The following PRELID2 variants were observed in gnomAD, a reference collection of about 807,000 sequenced individuals.
PRELID2 encodes the protein PRELI domain containing 2, also known as PRELI domain-containing protein 2.
A neutral mutation model predicts 28.4 loss-of-function variants in PRELID2; 25 were observed. The ratio of observed to expected loss-of-function variants is 0.88; its 90% CI spans 0.64 to 1.23. PRELID2 has a LOEUF of 1.23. PRELID2 is among the 50% of genes most tolerant of loss of function. PRELID2 has a pLI of 0.00. For missense variants in PRELID2, 201 were observed against 214.4 expected (o/e 0.94, Z 0.39); for synonymous variants, 76 against 71.6 (o/e 1.06, Z -0.31).
Position 145,783,896 on chromosome 5 carries a change from C to T in PRELID2, c.474+12546G>A, listed in dbSNP as rs548343891. On this transcript the variant is annotated intron_variant, in intron 5 of 6. Coordinates refer to ENST00000683046, the MANE Select transcript of PRELID2 (RefSeq NM_205846.3). ...TATCCACTGTTTTTTAGAATTGTGA[C>T]TACCCGTGTATGTGTGTTTCCTGAA... Among the ~76,000 whole-genome samples, 22 of 152,284 alleles carry T rather than the reference C, an allele frequency of 1.4e-4. No homozygotes were observed. The East Asian group carries it at 3.7e-3, about 25-fold the overall frequency.
chr5:145,742,072 A>G (rs1184805945), intron 1 of PRELID2, among the ~76,000 whole-genome samples: 3 of 37,288 alleles, frequency 8.0e-5, no homozygotes, highest in Non-Finnish European at 1.9e-4. Context: ...ATTTATAATT[A>G]TACGTAATTA....
At chr5:145,478,134 G>T (rs1246140102) in intron 1 of PRELID2, among the ~76,000 whole-genome samples, 1 of 152,144 alleles carries the variant, frequency 6.6e-6, no homozygotes, top group Non-Finnish European at 1.5e-5. Context: ...TTGTTCTACT[G>T]TCTAGGCCCT....
chr5:145,578,900 G>T (rs1753084522), intron 1 of PRELID2, among the ~76,000 whole-genome samples: 1 of 152,008 alleles, frequency 6.6e-6, no homozygotes, highest in Non-Finnish European at 1.5e-5. Context: ...TATGAACTTT[G>T]AACAGTTTAT....
At chr5:145,826,145 C>A in intron 1 of PRELID2, 11 of 985,408 alleles carry the variant, frequency 1.1e-5, no homozygotes, top group Non-Finnish European at 1.2e-5. Context: ...AGGGTGCTAT[C>A]CTAGAGAAGC....
intron 1 of PRELID2, among the ~76,000 whole-genome samples, chr5:145,730,681 T>A (rs1484948587): frequency 6.6e-6 from 1 of 151,956 alleles, no homozygotes; most frequent in African/African-American, 2.4e-5. Context: ...ATTCTAAAGT[T>A]CACCTTAATA....
the PRELID2 span, among the ~76,000 whole-genome samples, chr5:145,264,621 T>G: frequency 6.6e-6 from 1 of 151,838 alleles, no homozygotes; most frequent in African/African-American, 2.4e-5. Flanking sequence ...CTATTCAACA[T>G]AATACTGGAA....
intron 1 of PRELID2, among the ~76,000 whole-genome samples, chr5:145,696,204 C>A (rs1755259129): frequency 7.3e-6 from 1 of 137,508 alleles, no homozygotes; most frequent in East Asian, 2.1e-4. Flanking sequence ...CATAAAATAG[C>A]CATTTGCCAG....
chr5:145,609,414 G>A (rs550920014), intron 1 of PRELID2, among the ~76,000 whole-genome samples: 1 of 152,190 alleles, frequency 6.6e-6, no homozygotes, highest in African/African-American at 2.4e-5. Context: ...AGGAACCCCT[G>A]CTGATTACTG....
chr5:145,322,152 T>G, the PRELID2 span, among the ~76,000 whole-genome samples: 1 of 152,228 alleles, frequency 6.6e-6, no homozygotes, highest in Non-Finnish European at 1.5e-5. Context: ...AAAATGTCCG[T>G]AGGATCAAAA....
At chr5:145,247,004 A>C in the PRELID2 span, among the ~76,000 whole-genome samples, 1 of 152,208 alleles carries the variant, frequency 6.6e-6, no homozygotes, top group African/African-American at 2.4e-5. Flanking sequence ...CTCTGGCTGC[A>C]AGAGTCTGAA....
intron 1 of PRELID2, among the ~76,000 whole-genome samples, chr5:145,535,775 G>T (rs1379911674): frequency 6.6e-6 from 1 of 151,840 alleles, no homozygotes; most frequent in Non-Finnish European, 1.5e-5. Flanking sequence ...ATATCCAAGT[G>T]TTTTAAGTCA....
chr5:145,422,328 T>G, the PRELID2 span, among the ~76,000 whole-genome samples: 8 of 152,116 alleles, frequency 5.3e-5, no homozygotes, highest in East Asian at 1.5e-3. Context: ...ATGTTGACAG[T>G]GGGGTGTTAA....
chr5:145,510,421 G>A (rs1271899496), intron 1 of PRELID2, among the ~76,000 whole-genome samples: 2 of 152,158 alleles, frequency 1.3e-5, no homozygotes, highest in African/African-American at 2.4e-5. Flanking sequence ...TTCAAGTCAT[G>A]GAGGGCTCTT....
At chr5:145,790,556 T>C (rs1752302318) in intron 5 of PRELID2, among the ~76,000 whole-genome samples, 2 of 151,912 alleles carry the variant, frequency 1.3e-5, no homozygotes, top group Admixed American at 6.6e-5. Context: ...TTTAGATCTA[T>C]TGTATAGCAT....
At chr5:145,249,675 G>A in the PRELID2 span, among the ~76,000 whole-genome samples, 1 of 152,034 alleles carries the variant, frequency 6.6e-6, no homozygotes, top group South Asian at 2.1e-4. Flanking sequence ...TATTTTAAAG[G>A]GAAAATACTA....
At chr5:145,417,316 G>A in the PRELID2 span, among the ~76,000 whole-genome samples, 4 of 152,006 alleles carry the variant, frequency 2.6e-5, no homozygotes, top group African/African-American at 9.7e-5. Flanking sequence ...TTCTACCAAA[G>A]GTACAAAGAA....
intron 1 of PRELID2, among the ~76,000 whole-genome samples, chr5:145,594,143 T>C (rs1280328507): frequency 6.6e-6 from 1 of 152,174 alleles, no homozygotes; most frequent in African/African-American, 2.4e-5. Context: ...TAAGCATCCA[T>C]AGAGGCTTAC....
the PRELID2 span, among the ~76,000 whole-genome samples, chr5:145,283,710 C>A: frequency 6.6e-6 from 1 of 152,122 alleles, no homozygotes; most frequent in Non-Finnish European, 1.5e-5. Context: ...GTTATGTAAC[C>A]AGGCAAGTTG....
chr5:145,716,923 T>C (rs1004263761), intron 1 of PRELID2, among the ~76,000 whole-genome samples: 5 of 152,142 alleles, frequency 3.3e-5, no homozygotes, highest in African/African-American at 1.2e-4. Flanking sequence ...ACACTATATG[T>C]ATGAACACAA....
Sources: gnomAD v4.1 joint callset for allele counts (sites outside exome capture counted in the v4.1 genomes callset) on GRCh38, gnomAD v4.1.1 for gene constraint, MANE v1.5 for transcripts, NCBI Gene and HGNC (gene_info 2026-07-23, HGNC 2026-07-21) for gene names.